The following KLRG1 variants were observed in gnomAD, a reference collection of about 807,000 sequenced individuals.
The protein encoded by KLRG1 is killer cell lectin like receptor G1, also known as killer cell lectin-like receptor subfamily G member 1.
Under a neutral mutation model 21.8 loss-of-function variants are expected in KLRG1, and 16 were observed. The observed-to-expected ratio is 0.73, with a 90% CI of 0.50 to 1.11. The LOEUF (loss-of-function observed/expected upper bound fraction) is 1.11, where lower values mean the gene tolerates loss of function less well. Ranked by LOEUF, KLRG1 falls within the 50% of genes most tolerant of loss-of-function variation. The pLI is 0.00. For missense variants in KLRG1, 173 were observed against 218.3 expected, an observed-to-expected ratio of 0.79 and a Z score of 1.31; for synonymous variants, 69 against 75.9, an observed-to-expected ratio of 0.91 and a Z score of 0.47.
the KLRG1 span, chr12:9,165,910 C>T: frequency 3.0e-6 from 3 of 989,300 alleles, no homozygotes; most frequent in Non-Finnish European, 4.5e-6. Context: ...TGCAATTGCG[C>T]ATTTTACTTA....
chr12:9,154,703 G>A, the KLRG1 span: 1 of 1,614,180 alleles, frequency 6.2e-7, no homozygotes, highest in African/African-American at 1.3e-5. Context: ...CCCCTGAGGT[G>A]GGGGCTGGCT....
the KLRG1 span, among the ~76,000 whole-genome samples, chr12:9,172,180 C>A: frequency 6.6e-6 from 1 of 152,214 alleles, no homozygotes; most frequent in South Asian, 2.1e-4. Flanking sequence ...AAATTGGGGG[C>A]CAATATTCAA....
chr12:8,993,890 A>G (rs1947053314), intron 2 of KLRG1, among the ~76,000 whole-genome samples: 1 of 152,158 alleles, frequency 6.6e-6, no homozygotes, highest in Non-Finnish European at 1.5e-5. Context: ...TTCTGCAATT[A>G]TATATCTACA....
chr12:9,195,634 T>G, the KLRG1 span, among the ~76,000 whole-genome samples: 4 of 146,066 alleles, frequency 2.7e-5, no homozygotes, highest in Non-Finnish European at 6.0e-5. Flanking sequence ...TTTTTTTTTT[T>G]GCAGAGGTAG....
chr12:8,999,630 T>C (rs1445152401), intron 3 of KLRG1, among the ~76,000 whole-genome samples: 1 of 152,262 alleles, frequency 6.6e-6, no homozygotes, highest in Non-Finnish European at 1.5e-5. Context: ...CAGCTTGGTT[T>C]CTTTCAGACA....
chr12:9,025,710 A>G, the KLRG1 span, among the ~76,000 whole-genome samples: 2 of 152,228 alleles, frequency 1.3e-5, no homozygotes, highest in East Asian at 3.8e-4. Flanking sequence ...GTGGATGAAT[A>G]TGAAGCTGAC....
At chr12:9,089,782 C>G in the KLRG1 span, 1 of 755,656 alleles carries the variant, frequency 1.3e-6, no homozygotes, top group African/African-American at 1.8e-5. Flanking sequence ...GAAAGTAAAT[C>G]AAGAGAGAGA....
chr12:9,160,989 G>A, the KLRG1 span: 1 of 1,405,366 alleles, frequency 7.1e-7, no homozygotes, highest in Non-Finnish European at 1.0e-6. Flanking sequence ...GATGTACAGT[G>A]GCAACTCTTT....
At chr12:9,118,323 C>T in the KLRG1 span, among the ~76,000 whole-genome samples, 1 of 152,126 alleles carries the variant, frequency 6.6e-6, no homozygotes, top group African/African-American at 2.4e-5. Context: ...GTTCTGGTGA[C>T]TGGAGGGCAA....
chr12:9,164,309 C>T, the KLRG1 span: 2 of 1,578,540 alleles, frequency 1.3e-6, no homozygotes, highest in Non-Finnish European at 1.7e-6. Flanking sequence ...TATGGAACGA[C>T]ACGAACACAT....
chr12:9,030,982 G>C, the KLRG1 span, among the ~76,000 whole-genome samples: 8 of 152,338 alleles, frequency 5.3e-5, no homozygotes, highest in Middle Eastern at 3.4e-3. Flanking sequence ...CTCCCGGCAG[G>C]GGGTAGTGAG....
chr12:9,065,064 C>T, the KLRG1 span: 1 of 152,160 alleles, frequency 6.6e-6, no homozygotes, highest in Non-Finnish European at 1.5e-5. Flanking sequence ...CCCCTGAGCC[C>T]CGGGGCCACG....
At chr12:9,044,481 A>G in the KLRG1 span, among the ~76,000 whole-genome samples, 1 of 152,086 alleles carries the variant, frequency 6.6e-6, no homozygotes, top group South Asian at 2.1e-4. Context: ...CCTGACCAAC[A>G]TGGTGAGAAA....
At chr12:9,079,276 C>T in the KLRG1 span, 1 of 1,613,488 alleles carries the variant, frequency 6.2e-7, no homozygotes, top group South Asian at 1.1e-5. Flanking sequence ...CATATCGCTC[C>T]CCAAAGGTGC....
At chr12:9,052,744 A>C in the KLRG1 span, 14 of 414,712 alleles carry the variant, frequency 3.4e-5, no homozygotes, top group Non-Finnish European at 6.6e-5. Context: ...GAGCTTGGGA[A>C]AGTTTCTGAA....
chr12:9,166,165 T>C, the KLRG1 span: 37 of 1,613,388 alleles, frequency 2.3e-5, no homozygotes, highest in African/African-American at 5.3e-5. Context: ...ATGTGCCTAA[T>C]TGAGGAACAT....
chr12:9,110,038 A>G, the KLRG1 span: 1 of 1,601,006 alleles, frequency 6.2e-7, no homozygotes, highest in South Asian at 1.1e-5. Context: ...TTGGGATCCT[A>G]TATGAGTAAA....
At chr12:9,112,249 A>C in the KLRG1 span, 2 of 1,613,128 alleles carry the variant, frequency 1.2e-6, no homozygotes, top group Non-Finnish European at 1.7e-6. Flanking sequence ...CCCAAACCCA[A>C]AGTAGGCCTG....
the KLRG1 span, chr12:9,109,780 G>A: frequency 6.8e-6 from 9 of 1,332,914 alleles, no homozygotes; most frequent in African/African-American, 4.4e-5. Flanking sequence ...ATGGGAAATG[G>A]AAAGACTCCA....
Sources: gnomAD v4.1 joint callset for allele counts (sites outside exome capture counted in the v4.1 genomes callset) on GRCh38, gnomAD v4.1.1 for gene constraint, MANE v1.5 for transcripts, NCBI Gene and HGNC (gene_info 2026-07-23, HGNC 2026-07-21) for gene names.